The following JARID2 variants were observed in gnomAD, a reference collection of about 807,000 sequenced individuals.
JARID2 encodes the protein protein Jumonji.
A neutral mutation model predicts 125.6 loss-of-function variants in JARID2; 21 were observed. That is an observed-to-expected ratio of 0.17 (90% CI 0.12 to 0.24). The LOEUF is 0.24. Among genes scored for constraint, JARID2 ranks in the 10% least tolerant of loss-of-function variants. The pLI, the probability that JARID2 is intolerant of heterozygous loss-of-function variation, is 1.00. For synonymous variants in JARID2, 736 were observed against 661.6 expected, an observed-to-expected ratio of 1.11 and a Z score of -1.73; for missense variants, 1,303 against 1,639.6, an observed-to-expected ratio of 0.79 and a Z score of 3.55.
intron 1 of JARID2, among the ~76,000 whole-genome samples, chr6:15,285,615 A>G (rs1051549589): frequency 1.3e-5 from 2 of 152,152 alleles, no homozygotes; most frequent in African/African-American, 2.4e-5. Flanking sequence ...AGAGGGTATC[A>G]TTGCTTTCAT....
chr6:15,428,724 G>T (rs1163246167), intron 3 of JARID2, among the ~76,000 whole-genome samples: 1 of 152,004 alleles, frequency 6.6e-6, no homozygotes, highest in Non-Finnish European at 1.5e-5. Context: ...TGGCCAACAT[G>T]GTGAAACCTT....
chr6:15,503,140 C>A (rs750577193), intron 8 of JARID2, among the ~76,000 whole-genome samples: 1 of 152,320 alleles, frequency 6.6e-6, no homozygotes, highest in East Asian at 1.9e-4. Flanking sequence ...CATGGCGAAG[C>A]CCCCAGCAGC....
chr6:15,361,620 T>A (rs938183539), intron 1 of JARID2, among the ~76,000 whole-genome samples: 4 of 150,976 alleles, frequency 2.6e-5, no homozygotes, highest in African/African-American at 9.7e-5. Context: ...CCATACCACC[T>A]TTTTTTTTGG....
At chr6:15,416,095 C>T (rs1450291545) in intron 3 of JARID2, among the ~76,000 whole-genome samples, 2 of 151,912 alleles carry the variant, frequency 1.3e-5, no homozygotes, top group Non-Finnish European at 2.9e-5. Flanking sequence ...CGATGGGCGG[C>T]TGGGCAGAGA....
chr6:15,402,003 G>C (rs1395638691), intron 2 of JARID2, among the ~76,000 whole-genome samples: 1 of 151,290 alleles, frequency 6.6e-6, no homozygotes, highest in Non-Finnish European at 1.5e-5. Flanking sequence ...ATGTGAGTGA[G>C]GTAATAAGGA....
intron 12 of JARID2, among the ~76,000 whole-genome samples, chr6:15,510,864 G>GT (rs562945685): frequency 3.1e-4 from 47 of 152,380 alleles, no homozygotes; most frequent in African/African-American, 1.1e-3. Context: ...CGTATTCCTT[G>GT]TGAGGACATT....
chr6:15,432,601 G>A (rs1767016686), intron 3 of JARID2, among the ~76,000 whole-genome samples: 3 of 152,182 alleles, frequency 2.0e-5, no homozygotes, highest in Admixed American at 2.0e-4. Flanking sequence ...CTTGGTGTAT[G>A]CCCCATGTGA....
intron 4 of JARID2, among the ~76,000 whole-genome samples, chr6:15,455,192 CA>C (rs36088738): frequency 0.24 from 30,393 of 128,562 alleles, 3,302 homozygotes; most frequent in East Asian, 0.36. Context: ...CACTTTGTCT[CA>C]AAAAAAAAAA....
At chr6:15,289,836 ACT>A (rs1156250446) in intron 1 of JARID2, among the ~76,000 whole-genome samples, 1 of 152,128 alleles carries the variant, frequency 6.6e-6, no homozygotes, top group Non-Finnish European at 1.5e-5. Flanking sequence ...AGAGAGTGAG[ACT>A]CTGTCTCAAA....
intron 1 of JARID2, among the ~76,000 whole-genome samples, chr6:15,251,106 G>A (rs779677484): frequency 6.6e-6 from 1 of 151,948 alleles, no homozygotes. Context: ...CTGTCTTCCG[G>A]GTTCAATCGA....
At chr6:15,498,773 C>T (rs1045007670) in intron 7 of JARID2, among the ~76,000 whole-genome samples, 3 of 152,208 alleles carry the variant, frequency 2.0e-5, no homozygotes, top group South Asian at 2.1e-4. Flanking sequence ...GGGAATAGCA[C>T]GTGATAGGAA....
intron 1 of JARID2, among the ~76,000 whole-genome samples, chr6:15,279,688 T>G (rs1305645567): frequency 1.3e-5 from 2 of 152,238 alleles, no homozygotes; most frequent in Non-Finnish European, 2.9e-5. Flanking sequence ...TGTGTTAATT[T>G]GTCAGAGTTG....
At chr6:15,478,182 C>G (rs1769441387) in intron 5 of JARID2, among the ~76,000 whole-genome samples, 1 of 152,328 alleles carries the variant, frequency 6.6e-6, no homozygotes, top group East Asian at 1.9e-4. Flanking sequence ...TGACAGGCAG[C>G]TAGAAGATGG....
chr6:15,318,106 A>C (rs1762237811), intron 1 of JARID2, among the ~76,000 whole-genome samples: 1 of 152,190 alleles, frequency 6.6e-6, no homozygotes, highest in Non-Finnish European at 1.5e-5. Context: ...GCTACTGGGG[A>C]GGCTGAGGCA....
At position 15,323,949 on chromosome 6, in the gene JARID2, G is replaced by A. The variant is rs533066243; in HGVS notation, c.46-50168G>A. On this transcript the variant is annotated intron_variant, in intron 1 of 17. Transcript: ENST00000341776. ...TGTAATCCCAGCATTTTGGGAGGCT[G>A]AGGCGGGCGGATCACAAGGTCAGCA... is the stretch of plus-strand genomic sequence containing the variant. Among the ~76,000 whole-genome samples the A allele has an allele frequency of 3.7e-4, 57 of 152,080 alleles. 1 individual carries two copies. The highest frequency in any genetic ancestry group is 1.9e-4 in the East Asian group (1 of 5,152).
At chr6:15,395,202 A>G (rs1765172814) in intron 2 of JARID2, among the ~76,000 whole-genome samples, 1 of 152,176 alleles carries the variant, frequency 6.6e-6, no homozygotes, top group Non-Finnish European at 1.5e-5. Flanking sequence ...CACTAGCAGC[A>G]TATGAGAGTA....
At chr6:15,248,206 G>C (rs1246100818) in intron 1 of JARID2, 5 of 555,940 alleles carry the variant, frequency 9.0e-6, no homozygotes, top group South Asian at 1.6e-4. Context: ...CGACGTCCTC[G>C]AGCCGGCTGC....
At chr6:15,331,339 AAAAAC>A (rs923904445) in intron 1 of JARID2, among the ~76,000 whole-genome samples, 32 of 34,214 alleles carry the variant, frequency 9.4e-4, no homozygotes, top group Non-Finnish European at 1.7e-3. Context: ...CTGCCTCAAA[AAAAAC>A]AAAAACAAAA....
At chr6:15,288,310 T>TGGG (rs10666594) in intron 1 of JARID2, among the ~76,000 whole-genome samples, 50,367 of 149,944 alleles carry the variant, frequency 0.34, 8,762 homozygotes, top group African/African-American at 0.43. Context: ...AGGTGGGGGT[T>TGGG]GGAGAAAAGG....
Sources: gnomAD v4.1 joint callset for allele counts (sites outside exome capture counted in the v4.1 genomes callset) on GRCh38, gnomAD v4.1.1 for gene constraint, MANE v1.5 for transcripts, NCBI Gene and HGNC (gene_info 2026-07-23, HGNC 2026-07-21) for gene names.